The following SYN3 variants were observed in gnomAD, a reference collection of about 807,000 sequenced individuals.
SYN3 encodes the protein synapsin III, also known as synapsin-3.
SYN3 carries 35 observed loss-of-function variants against 65.8 expected under a neutral mutation model. That is an observed-to-expected ratio of 0.53 (90% CI 0.41 to 0.70). The LOEUF (loss-of-function observed/expected upper bound fraction) is 0.70. Among genes scored for constraint, SYN3 ranks in the 30% least tolerant of loss-of-function variants. SYN3 has a pLI of 0.00. For synonymous variants in SYN3, 270 were observed against 292.9 expected (o/e 0.92, Z 0.80); for missense variants, 680 against 749.0 (o/e 0.91, Z 1.08).
At chr22:32,669,823 T>C (rs1385519525) in intron 6 of SYN3, among the ~76,000 whole-genome samples, 4 of 152,234 alleles carry the variant, frequency 2.6e-5, no homozygotes, top group Admixed American at 1.3e-4. Context: ...TGACACATTC[T>C]CTCCCTTCTT....
chr22:33,052,816 A>C (rs1057291011), intron 1 of SYN3, among the ~76,000 whole-genome samples: 1 of 152,264 alleles, frequency 6.6e-6, no homozygotes, highest in Non-Finnish European at 1.5e-5. Context: ...CAGAGCAAAG[A>C]GGATTTGGTC....
At chr22:32,534,048 G>A (rs2058122029) in intron 9 of SYN3, among the ~76,000 whole-genome samples, 153 bp from the exon 10 acceptor site, 1 of 152,182 alleles carries the variant, frequency 6.6e-6, no homozygotes, top group Non-Finnish European at 1.5e-5. Flanking sequence ...AGCAGCAAGA[G>A]AGACAGAAAG....
At chr22:32,811,439 A>G (rs1049579972) in intron 6 of SYN3, among the ~76,000 whole-genome samples, 1 of 152,174 alleles carries the variant, frequency 6.6e-6, no homozygotes, top group Admixed American at 6.5e-5. Context: ...GGTGAGGAAA[A>G]TGGCGCTCTG....
intron 6 of SYN3, among the ~76,000 whole-genome samples, chr22:32,608,608 GA>G (rs1327832520): frequency 4.6e-5 from 7 of 152,232 alleles, no homozygotes; most frequent in African/African-American, 1.7e-4. Flanking sequence ...CTGGTTCAGA[GA>G]AACTATTTGT....
chr22:32,597,611 G>A (rs914824324), intron 6 of SYN3, among the ~76,000 whole-genome samples: 3 of 152,072 alleles, frequency 2.0e-5, no homozygotes, highest in Non-Finnish European at 4.4e-5. Flanking sequence ...TAATAATAGC[G>A]GCCATGTCTG....
At position 33,006,715 on chromosome 22, in the gene SYN3, G is replaced by A. The variant is rs2053209275; in HGVS notation, c.-53C>T. On this transcript the variant is annotated 5_prime_UTR_variant, in exon 2 of 14. Transcript: ENST00000358763. ...TCCTACCCAGACGTGTGTAGGTGAG[G>A]CCCAGAAGACAGGCTGCTGCCAGGT... 6.6e-7 allele frequency: 1 copy of A among 1,506,060 alleles called. No homozygotes were observed. The highest frequency in any genetic ancestry group is 1.4e-5 in the African/African-American group (1 of 71,666). The allele number at this position is 1,506,060 out of a possible 1,614,324, so 93.3% of individuals were successfully genotyped here.
chr22:32,998,265 T>C (rs1159238870), intron 2 of SYN3, among the ~76,000 whole-genome samples: 1 of 152,098 alleles, frequency 6.6e-6, no homozygotes, highest in Admixed American at 6.5e-5. Context: ...AATCTAGAAA[T>C]GCACAAGGTG....
chr22:32,877,539 C>T (rs903245467), intron 4 of SYN3, among the ~76,000 whole-genome samples: 1 of 152,240 alleles, frequency 6.6e-6, no homozygotes, highest in Non-Finnish European at 1.5e-5. Context: ...GGCCTCTACC[C>T]ACTAGACGCA....
At chr22:32,858,269 G>A (rs2146291120) in intron 6 of SYN3, 2 of 1,332,404 alleles carry the variant, frequency 1.5e-6, no homozygotes, top group East Asian at 4.8e-5. Flanking sequence ...AGGGCAGAGG[G>A]GCAGGTCTGA....
chr22:32,816,504 G>A (rs1269008630), intron 6 of SYN3, among the ~76,000 whole-genome samples: 2 of 152,140 alleles, frequency 1.3e-5, no homozygotes, highest in Non-Finnish European at 2.9e-5. Context: ...TACTTTTGTT[G>A]TCTTGAGACC....
chr22:32,857,381 C>T (rs1230496514), intron 6 of SYN3: 2 of 1,593,472 alleles, frequency 1.3e-6, no homozygotes, highest in African/African-American at 2.7e-5. Flanking sequence ...ACTCTAGCTT[C>T]TAGGCCAGGG....
intron 4 of SYN3, among the ~76,000 whole-genome samples, chr22:32,896,129 AT>A (rs1301596263): frequency 6.6e-6 from 1 of 152,222 alleles, no homozygotes; most frequent in Non-Finnish European, 1.5e-5. Flanking sequence ...TATTGAAACT[AT>A]AAAGATATAC....
At chr22:32,692,155 C>CAAA (rs1188224009) in intron 6 of SYN3, among the ~76,000 whole-genome samples, 27 of 34,470 alleles carry the variant, frequency 7.8e-4, no homozygotes, top group East Asian at 2.2e-3. Context: ...GACAAAAAGA[C>CAAA]AAAAAAAAAA....
intron 4 of SYN3, among the ~76,000 whole-genome samples, chr22:32,869,395 T>C (rs2146349017): frequency 7.0e-6 from 1 of 143,442 alleles, no homozygotes; most frequent in East Asian, 2.3e-4. Context: ...ATTCCCTGCA[T>C]TGAACATCTA....
intron 6 of SYN3, among the ~76,000 whole-genome samples, chr22:32,649,098 C>T (rs572969109): frequency 2.0e-5 from 3 of 152,206 alleles, no homozygotes; most frequent in Non-Finnish European, 4.4e-5. Context: ...CCACTAGAGG[C>T]GGAGTATACT....
chr22:32,592,704 C>T (rs1031929829), intron 7 of SYN3, among the ~76,000 whole-genome samples: 3 of 152,132 alleles, frequency 2.0e-5, no homozygotes, highest in African/African-American at 7.2e-5. Flanking sequence ...CCTCAATTCT[C>T]CTAGGATGCC....
intron 6 of SYN3, among the ~76,000 whole-genome samples, chr22:32,850,249 C>T (rs901214347): frequency 1.3e-5 from 2 of 151,900 alleles, no homozygotes; most frequent in Non-Finnish European, 2.9e-5. Context: ...CCTAGTCTCA[C>T]CTCTACTCCT....
intron 3 of SYN3, among the ~76,000 whole-genome samples, chr22:32,940,839 G>A (rs1333148253): frequency 6.6e-6 from 1 of 152,166 alleles, no homozygotes; most frequent in Admixed American, 6.5e-5. Flanking sequence ...GATGACAGGA[G>A]CAAAGGCAAG....
At chr22:32,549,888 C>CAA (rs10666789) in intron 7 of SYN3, among the ~76,000 whole-genome samples, 1,516 of 142,014 alleles carry the variant, frequency 0.011, 38 homozygotes, top group African/African-American at 0.033. Flanking sequence ...GACTCTGTCT[C>CAA]AAAAAAAAAA....
Sources: allele counts gnomAD v4.1 joint callset (sites outside exome capture counted in the v4.1 genomes callset), GRCh38; gene constraint gnomAD v4.1.1; transcripts MANE v1.5; gene names NCBI Gene and HGNC (gene_info 2026-07-23, HGNC 2026-07-21).